The following WWP1 variants were observed in gnomAD, a reference collection of about 807,000 sequenced individuals.
WWP1 encodes WW domain containing E3 ubiquitin protein ligase 1.
In WWP1, 49 loss-of-function variants were observed where a neutral mutation model predicts 130.6. The ratio of observed to expected loss-of-function variants is 0.38; its 90% CI spans 0.30 to 0.48. The LOEUF is 0.48. Ranked by LOEUF, WWP1 falls within the 20% of genes least tolerant of loss-of-function variation. WWP1 has a pLI of 0.99. For synonymous variants in WWP1, 332 were observed against 367.8 expected, an observed-to-expected ratio of 0.90 and a Z score of 1.11; for missense variants, 809 against 1,100.6, an observed-to-expected ratio of 0.74 and a Z score of 3.75.
intron 14 of WWP1, among the ~76,000 whole-genome samples, chr8:86,432,133 A>G (rs1234662083): frequency 2.6e-5 from 4 of 152,210 alleles, no homozygotes. Context: ...GTCTCTGTCT[A>G]GACTCTGTGC....
chr8:86,399,258 A>G (rs138336642), intron 7 of WWP1, among the ~76,000 whole-genome samples: 1 of 152,204 alleles, frequency 6.6e-6, no homozygotes, highest in Non-Finnish European at 1.5e-5. Context: ...GTAAATCATG[A>G]GAAGATAAAT....
chr8:86,372,801 T>C (rs950471003), intron 2 of WWP1, among the ~76,000 whole-genome samples: 1 of 152,196 alleles, frequency 6.6e-6, no homozygotes, highest in Non-Finnish European at 1.5e-5. Context: ...ATCAGACATT[T>C]ATTTATCTTA....
Position 86,381,513 on chromosome 8 carries a change from C to A in WWP1, c.218C>A (p.Thr73Lys). The stretch of plus-strand genomic sequence containing the variant: ...TAATTTTACCCTTCCAGAAATGTTA[C>A]GCCACAGACTACATTGGAATTTCAA... ...KWDEQLTVNV[T>K]PQTTLEFQVW... The change falls in exon 5 of 25, where the codon ACG becomes AAG. Residue 73 changes from threonine to lysine, a missense_variant. Transcript: ENST00000517970. 6.2e-7 allele frequency: 1 copy of A among 1,603,248 alleles called. No homozygotes were observed. Among genetic ancestry groups the A allele is most frequent in the South Asian group, 1.1e-5 (1 of 88,196 alleles).
At chr8:86,390,593 CTG>C (rs1170345562) in intron 5 of WWP1, among the ~76,000 whole-genome samples, 1 of 152,094 alleles carries the variant, frequency 6.6e-6, no homozygotes, top group East Asian at 1.9e-4. Flanking sequence ...ACTAGGCAGG[CTG>C]AGGCAGGAGA....
intron 1 of WWP1, among the ~76,000 whole-genome samples, chr8:86,347,269 A>G (rs930614439): frequency 3.3e-5 from 5 of 152,228 alleles, no homozygotes; most frequent in Non-Finnish European, 7.3e-5. Flanking sequence ...TACAGGCGTG[A>G]GCCATCGCTT....
intron 11 of WWP1, among the ~76,000 whole-genome samples, chr8:86,429,242 C>G (rs1011983383): frequency 2.6e-5 from 4 of 152,206 alleles, no homozygotes; most frequent in Admixed American, 2.0e-4. Context: ...GAAGGATGCC[C>G]TCACCATGGC....
rs189610662 is a variant in WWP1, at chr8:86,343,799, T to A, written c.-115+869T>A. ...TTTTCTATTTGATAAGTTTAACAAA[T>A]TTTTTTCTGTGTGTGTGTAGGTTAA... On this transcript the variant is annotated intron_variant, in intron 1 of 24. Transcript: ENST00000517970. Among the ~76,000 whole-genome samples the A allele has an allele frequency of 3.9e-3, 597 of 152,284 alleles. 1 individual carries two copies. Among genetic ancestry groups the A allele is most frequent in the African/African-American group, 0.014 (561 of 41,552 alleles).
chr8:86,411,825 C>T lies in WWP1; in HGVS notation c.1012C>T (p.Pro338Ser). 6.2e-7 allele frequency: 1 copy of T among 1,613,710 alleles called. No individual in the cohort carries two copies. Among genetic ancestry groups the T allele is most frequent in the Non-Finnish European group, 8.5e-7 (1 of 1,179,760 alleles). The change falls in exon 9 of 25, where the codon CCT becomes TCT. Residue 338 changes from proline (P) to serine (S), a missense_variant. Physicochemically the swap from Pro to Ser is moderately conservative, Grantham distance 74. Coordinates refer to ENST00000517970, the MANE Select transcript of WWP1 (RefSeq NM_007013.4). ...KSRQPDGCMD[P>S]VRQQSGNANT... Reference sequence around the variant, plus strand: ...AAGACAGCCAGATGGGTGTATGGATCCTGTACGGCAGCAGTCTGGGAATGC... The same window carrying T: ...AAGACAGCCAGATGGGTGTATGGATTCTGTACGGCAGCAGTCTGGGAATGC...
At position 86,427,775 on chromosome 8, in the gene WWP1, G is replaced by A. The variant is rs1809714346; in HGVS notation, c.1290G>A (p.Leu430=). 6.2e-7 allele frequency: 1 copy of A among 1,613,550 alleles called. No individual in the cohort carries two copies. Among genetic ancestry groups the A allele is most frequent in the Non-Finnish European group, 8.5e-7 (1 of 1,179,782 alleles). ...FEQWQSQRNQ[L]QGAMQQFNQR... is the part of the protein sequence containing the mutation. ...AGTGGCAATCTCAGCGGAACCAATT[G>A]CAGGGAGCTATGCAACAGTTTAACC... The change falls in exon 11 of 25, where the codon TTG becomes TTA. Residue 430 remains leucine (L), a synonymous_variant. Transcript: ENST00000517970.
intron 3 of WWP1, among the ~76,000 whole-genome samples, chr8:86,375,426 G>C (rs183338778): frequency 6.6e-6 from 1 of 152,018 alleles, no homozygotes; most frequent in Non-Finnish European, 1.5e-5. Flanking sequence ...CCCTTGCCCT[G>C]TAGGTTCACA....
chr8:86,356,103 G>A (rs1381634070), intron 1 of WWP1, among the ~76,000 whole-genome samples: 1 of 152,158 alleles, frequency 6.6e-6, no homozygotes, highest in Non-Finnish European at 1.5e-5. Context: ...TATAATAGGA[G>A]CCCAGTAAAT....
At chr8:86,410,406 A>G (rs747795104) in intron 8 of WWP1, among the ~76,000 whole-genome samples, 2 of 152,120 alleles carry the variant, frequency 1.3e-5, no homozygotes, top group Admixed American at 6.5e-5. Flanking sequence ...AAACTCATTG[A>G]TATGAAATTG....
At chr8:86,397,010 G>A (rs190887983) in intron 5 of WWP1, among the ~76,000 whole-genome samples, 81 of 152,290 alleles carry the variant, frequency 5.3e-4, no homozygotes, top group African/African-American at 1.9e-3. Context: ...TTACAGGTGT[G>A]AGCCACCAGG....
chr8:86,351,714 G>A (rs1822938084), intron 1 of WWP1, among the ~76,000 whole-genome samples: 1 of 152,170 alleles, frequency 6.6e-6, no homozygotes, highest in African/African-American at 2.4e-5. Flanking sequence ...ATCAGCTAGT[G>A]ATGGTTTTGC....
intron 5 of WWP1, among the ~76,000 whole-genome samples, chr8:86,391,021 A>G (rs1807304800): frequency 1.3e-5 from 2 of 151,658 alleles, no homozygotes; most frequent in Non-Finnish European, 2.9e-5. Flanking sequence ...AGTTTTTTTT[A>G]ATTTCTTCAT....
At chr8:86,424,729 G>C (rs1337771123) in intron 9 of WWP1, among the ~76,000 whole-genome samples, 1 of 151,280 alleles carries the variant, frequency 6.6e-6, no homozygotes, top group Non-Finnish European at 1.5e-5. Context: ...CAGGCAGGGA[G>C]GTTGCAGTGA....
At chr8:86,393,111 A>AT (rs1807448882) in intron 5 of WWP1, among the ~76,000 whole-genome samples, 1 of 152,158 alleles carries the variant, frequency 6.6e-6, no homozygotes, top group African/African-American at 2.4e-5. Flanking sequence ...CTCTTTGTAC[A>AT]TTTTTTATTG....
At chr8:86,431,832 A>C in intron 14 of WWP1, 89 bp downstream of exon 14, 1 of 1,555,362 alleles carries the variant, frequency 6.4e-7, no homozygotes, top group African/African-American at 1.4e-5. Context: ...TTAGCAAAAC[A>C]TTTTACTTTT....
At chr8:86,379,099 A>G (rs1824835273) in intron 3 of WWP1, among the ~76,000 whole-genome samples, 1 of 152,196 alleles carries the variant, frequency 6.6e-6, no homozygotes, top group Non-Finnish European at 1.5e-5. Flanking sequence ...GTCTTCTGCT[A>G]TATGGATAAG....
Sources: gnomAD v4.1 joint callset for allele counts (sites outside exome capture counted in the v4.1 genomes callset) on GRCh38, gnomAD v4.1.1 for gene constraint, MANE v1.5 for transcripts, NCBI Gene and HGNC (gene_info 2026-07-23, HGNC 2026-07-21) for gene names.